The following ZNF565 variants were observed in gnomAD, a reference collection of about 807,000 sequenced individuals.
ZNF565 encodes zinc finger protein 565.
A neutral mutation model predicts 39.4 loss-of-function variants in ZNF565; 27 were observed. That is an observed-to-expected ratio of 0.69 (90% CI 0.51 to 0.95). ZNF565 has a LOEUF of 0.95. Ranked by LOEUF, ZNF565 falls within the 40% of genes least tolerant of loss-of-function variation. The pLI, the probability that ZNF565 is intolerant of heterozygous loss-of-function variation, is 0.00. For missense variants in ZNF565, 524 were observed against 621.1 expected, an observed-to-expected ratio of 0.84 and a Z score of 1.66; for synonymous variants, 185 against 216.6, an observed-to-expected ratio of 0.85 and a Z score of 1.28.
At chr19:36,218,401 ATAT>A (rs1434019691), upstream of ZNF565, among the ~76,000 whole-genome samples, 1 of 152,136 alleles carries the variant, frequency 6.6e-6, no homozygotes, top group Non-Finnish European at 1.5e-5. Context: ...TCCTCAGAAA[ATAT>A]TATAGTCCTG....
intron 1 of ZNF565, among the ~76,000 whole-genome samples, chr19:36,232,937 ATAGT>A (rs1394005025): frequency 2.6e-5 from 4 of 152,236 alleles, no homozygotes; most frequent in African/African-American, 9.6e-5. Context: ...TGCTGAAGGA[ATAGT>A]TAAAGAATCT....
intron 1 of ZNF565, among the ~76,000 whole-genome samples, chr19:36,212,796 T>C (rs564560736): frequency 7.9e-5 from 12 of 152,202 alleles, no homozygotes; most frequent in Admixed American, 4.6e-4. Context: ...CTATGGCAAA[T>C]ACTGGAGACC....
intron 1 of ZNF565, among the ~76,000 whole-genome samples, chr19:36,241,922 A>G (rs1568440576): frequency 6.6e-6 from 1 of 152,214 alleles, no homozygotes; most frequent in Non-Finnish European, 1.5e-5. Flanking sequence ...AGGAAAACAT[A>G]GGAACATAGG....
intron 4 of ZNF565, among the ~76,000 whole-genome samples, chr19:36,188,947 A>G (rs572697011): frequency 5.9e-5 from 9 of 152,294 alleles, no homozygotes; most frequent in Admixed American, 4.6e-4. Flanking sequence ...CACATACTGG[A>G]TGATTTACAT....
At chr19:36,205,627 G>A (rs1304376798) in intron 1 of ZNF565, among the ~76,000 whole-genome samples, 1 of 151,546 alleles carries the variant, frequency 6.6e-6, no homozygotes, top group African/African-American at 2.4e-5. Flanking sequence ...ATATGGCCAG[G>A]TTATTTTGGA....
At chr19:36,220,500 G>A (rs1051750609) in intron 1 of ZNF565, among the ~76,000 whole-genome samples, 5 of 152,036 alleles carry the variant, frequency 3.3e-5, no homozygotes, top group African/African-American at 1.2e-4. Flanking sequence ...GAGTAGCTGG[G>A]ACTACAGGTG....
Position 36,241,304 on chromosome 19 carries a change from C to T in ZNF565, c.55+4172G>A, listed in dbSNP as rs1372732336. Reference sequence around the variant, plus strand: ...TTCGAGACCAGCCTGGCCAGCATGGCAAAACCCCGCCTCTACTAAAAATAC... The same window carrying T: ...TTCGAGACCAGCCTGGCCAGCATGGTAAAACCCCGCCTCTACTAAAAATAC... On this transcript the variant is annotated intron_variant, in intron 1 of 4. Transcript: ENST00000355114. Among the ~76,000 whole-genome samples the T allele has an allele frequency of 3.3e-5, 5 of 150,032 alleles. No individual in the cohort carries two copies. The South Asian group carries it at 6.3e-4, about 19-fold the overall frequency.
chr19:36,205,971 C>CT (rs1213184721), intron 1 of ZNF565, among the ~76,000 whole-genome samples: 1 of 132,638 alleles, frequency 7.5e-6, no homozygotes, highest in Non-Finnish European at 1.6e-5. Flanking sequence ...TTTTTTTTTT[C>CT]TTTTTTTTGA....
chr19:36,210,821 A>G (rs944202486), intron 1 of ZNF565, among the ~76,000 whole-genome samples: 1 of 152,008 alleles, frequency 6.6e-6, no homozygotes, highest in African/African-American at 2.4e-5. Context: ...AAAAGGAACC[A>G]ATGGTCCCCG....
At chr19:36,183,795 C>A (rs1278707153) in intron 4 of ZNF565, 62 bp from the exon 5 acceptor site, 4 of 1,481,112 alleles carry the variant, frequency 2.7e-6, no homozygotes, top group Non-Finnish European at 3.6e-6. Context: ...ATAAAAAATT[C>A]TATAGTAGAG....
At chr19:36,208,268 G>C (rs1976231736) in intron 1 of ZNF565, among the ~76,000 whole-genome samples, 3 of 150,116 alleles carry the variant, frequency 2.0e-5, no homozygotes, top group Admixed American at 1.3e-4. Flanking sequence ...CTGGAGGGCA[G>C]TGGCGCAATC....
intron 4 of ZNF565, among the ~76,000 whole-genome samples, chr19:36,184,668 C>T (rs150840370): frequency 2.3e-3 from 353 of 152,248 alleles, no homozygotes; most frequent in African/African-American, 8.2e-3. Flanking sequence ...TGGCACAGAG[C>T]TACTAATTCT....
chr19:36,241,590 C>G, intron 1 of ZNF565, among the ~76,000 whole-genome samples: 1 of 151,434 alleles, frequency 6.6e-6, no homozygotes, highest in East Asian at 1.9e-4. Context: ...GTCAGGAGTT[C>G]AAGATCAGCC....
intron 1 of ZNF565, among the ~76,000 whole-genome samples, chr19:36,222,007 G>A (rs1976868269): frequency 7.3e-6 from 1 of 136,604 alleles, no homozygotes; most frequent in Admixed American, 8.6e-5. Context: ...ATGGCATACT[G>A]CAGCCTCCAA....
At position 36,182,424 on chromosome 19, in the gene ZNF565, T is replaced by G; in HGVS notation, c.*42A>C. 3.3e-6 allele frequency: 5 copies of G among 1,504,142 alleles called. No homozygotes were observed. Among genetic ancestry groups the G allele is most frequent in the Non-Finnish European group, 4.4e-6 (5 of 1,125,158 alleles). The allele number at this position is 1,504,142 out of a possible 1,614,324, so 93.2% of individuals were successfully genotyped here. On this transcript the variant is annotated 3_prime_UTR_variant, in exon 5 of 5. Coordinates refer to ENST00000304116, the MANE Select transcript of ZNF565 (RefSeq NM_152477.5). ...ACCTAGTACTGAGCCAGATGTGAAC[T>G]CCACATAAAGGCTTATCTTTATCCC... is the stretch of plus-strand genomic sequence containing the variant.
intron 4 of ZNF565, among the ~76,000 whole-genome samples, chr19:36,188,569 AGGCATGGT>A (rs1349490297): frequency 6.7e-6 from 1 of 149,658 alleles, no homozygotes; most frequent in East Asian, 2.0e-4. Flanking sequence ...AAAATCAGCC[AGGCATGGT>A]GGCGGGTGCC....
chr19:36,184,125 AAAAT>A (rs1375385410), intron 4 of ZNF565, among the ~76,000 whole-genome samples: 4 of 151,234 alleles, frequency 2.6e-5, no homozygotes, highest in East Asian at 3.9e-4. Context: ...CAGGGAGACA[AAAAT>A]AAATAACCAT....
chr19:36,202,827 G>A (rs1976012678), intron 1 of ZNF565, among the ~76,000 whole-genome samples: 1 of 152,004 alleles, frequency 6.6e-6, no homozygotes, highest in African/African-American at 2.4e-5. Context: ...GTCCAAAATG[G>A]GACTACACCA....
At chr19:36,232,416 C>T (rs1977421824) in intron 1 of ZNF565, among the ~76,000 whole-genome samples, 1 of 151,960 alleles carries the variant, frequency 6.6e-6, no homozygotes, top group South Asian at 2.1e-4. Context: ...TCCAGAGGAA[C>T]TTACAAGTTC....
Sources: allele counts gnomAD v4.1 joint callset (sites outside exome capture counted in the v4.1 genomes callset), GRCh38; gene constraint gnomAD v4.1.1; transcripts MANE v1.5; gene names NCBI Gene and HGNC (gene_info 2026-07-23, HGNC 2026-07-21).